The following POGLUT1 variants were observed in gnomAD, a reference collection of about 807,000 sequenced individuals.
POGLUT1 encodes the protein 9630046K23Rik.
Under a neutral mutation model 61.3 loss-of-function variants are expected in POGLUT1, and 32 were observed. That is an observed-to-expected ratio of 0.52 (90% CI 0.39 to 0.70). The LOEUF (loss-of-function observed/expected upper bound fraction) is 0.70. Among genes scored for constraint, POGLUT1 ranks in the 30% least tolerant of loss-of-function variants. The pLI, the probability that POGLUT1 is intolerant of heterozygous loss-of-function variation, is 0.00. For synonymous variants in POGLUT1, 158 were observed against 158.2 expected (o/e 1.00, Z 0.01); for missense variants, 411 against 469.8 (o/e 0.87, Z 1.16).
rs905335304 is a variant in POGLUT1, at chr3:119,492,303, C to T, written c.1044C>T (p.Asn348=). Residue 348 remains asparagine, a synonymous_variant, in exon 11 of 11, where the codon AAC becomes AAT. Coordinates refer to ENST00000295588, the MANE Select transcript of POGLUT1 (RefSeq NM_152305.3). ...CTAGGGGAAGCCAGTTTATTAGGAA[C>T]CATTTGCAGATGGATGACATCACCT... ...IAERGSQFIR[N]HLQMDDITCY... The T allele has an allele frequency of 6.2e-7, 1 of 1,606,026 alleles. No individual in the cohort carries two copies. The highest frequency in any genetic ancestry group is 8.5e-7 in the Non-Finnish European group (1 of 1,176,446).
At chr3:119,477,545 T>A in intron 4 of POGLUT1, 97 bp downstream of exon 4, 1 of 1,205,164 alleles carries the variant, frequency 8.3e-7, no homozygotes, top group Non-Finnish European at 1.2e-6. Flanking sequence ...TGGATAATGG[T>A]AAGGATGAGG....
chr3:119,484,762 G>A (rs1440275217), intron 5 of POGLUT1, among the ~76,000 whole-genome samples: 1 of 152,142 alleles, frequency 6.6e-6, no homozygotes, highest in Non-Finnish European at 1.5e-5. Flanking sequence ...GACCTTCAGG[G>A]TTTGGGGGCT....
intron 4 of POGLUT1, among the ~76,000 whole-genome samples, chr3:119,479,193 G>A (rs1333391389): frequency 6.6e-6 from 1 of 152,058 alleles, no homozygotes; most frequent in Non-Finnish European, 1.5e-5. Flanking sequence ...GCCTCCCAAA[G>A]TGCTGGGATT....
intron 10 of POGLUT1, among the ~76,000 whole-genome samples, chr3:119,492,057 AAAAT>A (rs71156748): frequency 1.2e-4 from 18 of 150,384 alleles, no homozygotes; most frequent in South Asian, 4.3e-4. Flanking sequence ...TCCGTCTCAA[AAAAT>A]AAATAAATAA....
intron 3 of POGLUT1, among the ~76,000 whole-genome samples, chr3:119,474,657 G>A (rs1047363282): frequency 6.6e-6 from 1 of 152,004 alleles, no homozygotes; most frequent in African/African-American, 2.4e-5. Flanking sequence ...CCAATATGGT[G>A]AAACCCCGAC....
At chr3:119,480,741 C>CTTT (rs549105221) in intron 5 of POGLUT1, among the ~76,000 whole-genome samples, 2 of 138,266 alleles carry the variant, frequency 1.4e-5, no homozygotes, top group South Asian at 2.3e-4. Flanking sequence ...ATTTTTCTTT[C>CTTT]TTTTTTTTTT....
Position 119,493,643 on chromosome 3 carries a change from G to A in POGLUT1, c.*1205G>A. On this transcript the variant is annotated 3_prime_UTR_variant, in exon 11 of 11. Transcript: ENST00000295588. ...TTAACTAGTTTCAGAATTAGTAAAT[G>A]TGAGATTCAGTCACATAATTATCAG... 6.6e-6 allele frequency: 1 copy of A among 152,112 alleles called. No homozygotes were observed. The highest frequency in any genetic ancestry group is 1.5e-5 in the Non-Finnish European group (1 of 68,018). The allele number at this position is 152,112 out of a possible 1,614,324, so 9.4% of individuals were successfully genotyped here. A position where few individuals can be genotyped will look rare whatever the true frequency, so the allele number is the denominator to read the frequency against.
intron 5 of POGLUT1, among the ~76,000 whole-genome samples, chr3:119,481,035 C>G (rs1310903147): frequency 6.6e-6 from 1 of 152,068 alleles, no homozygotes; most frequent in Admixed American, 6.5e-5. Context: ...CCCCTGTGCT[C>G]AGTCAGTATT....
intron 5 of POGLUT1, among the ~76,000 whole-genome samples, chr3:119,483,641 G>A (rs2081631689): frequency 6.6e-6 from 1 of 152,186 alleles, no homozygotes; most frequent in Non-Finnish European, 1.5e-5. Context: ...CAGTATGTAT[G>A]GTGTGACCTC....
In POGLUT1 at chr3:119,493,518, C is replaced by T. The variant is rs1011533408; in HGVS notation, c.*1080C>T. The T allele has an allele frequency of 6.6e-6, 1 of 152,130 alleles. No homozygotes were observed. The highest frequency in any genetic ancestry group is 1.5e-5 in the Non-Finnish European group (1 of 68,014). 9.4% of individuals were successfully genotyped at this position (152,130 alleles called of 1,614,324 possible). Reference sequence around the variant, plus strand: ...ATGAAGAAAAATGTTTAGATTAAAACTCTGTAGTCTGATGACTTAGAACCA... The same window carrying T: ...ATGAAGAAAAATGTTTAGATTAAAATTCTGTAGTCTGATGACTTAGAACCA... On this transcript the variant is annotated 3_prime_UTR_variant, in exon 11 of 11. Transcript: ENST00000295588.
intron 5 of POGLUT1, 75 bp downstream of exon 5, chr3:119,480,247 A>C: frequency 8.3e-7 from 1 of 1,207,148 alleles, no homozygotes; most frequent in Non-Finnish European, 1.1e-6. Flanking sequence ...ATAACCAATT[A>C]TTTACTTTTT....
rs202050990 is a variant in POGLUT1 at position 119,469,020 on chromosome 3, C to G, written c.-2C>G. The G allele has an allele frequency of 2.6e-4, 421 of 1,607,100 alleles. 5 individuals are homozygous for G. In the East Asian group the frequency reaches 8.4e-3, roughly 32 times the overall value. ...GGGGAATCTGCAGTAGGTCTGCCGG[C>G]GATGGAGTGGTGGGCTAGCTCGCCG... On this transcript the variant is annotated 5_prime_UTR_variant, in exon 1 of 11. Transcript: ENST00000295588.
chr3:119,469,643 T>C (rs1158642849), intron 1 of POGLUT1, among the ~76,000 whole-genome samples, 177 bp from the exon 2 acceptor site: 1 of 152,198 alleles, frequency 6.6e-6, no homozygotes, highest in East Asian at 1.9e-4. Context: ...AGGAACAGAC[T>C]TGACGTGAGC....
At chr3:119,485,997 T>C (rs958552545) in intron 6 of POGLUT1, among the ~76,000 whole-genome samples, 1 of 152,148 alleles carries the variant, frequency 6.6e-6, no homozygotes, top group African/African-American at 2.4e-5. Context: ...GAAAAGACCA[T>C]GAAGGGAGCA....
At chr3:119,471,548 A>T (rs891576867) in intron 3 of POGLUT1, 96 bp downstream of exon 3, 5 of 1,076,510 alleles carry the variant, frequency 4.6e-6, no homozygotes, top group East Asian at 2.4e-5. Context: ...TAACAAGCAG[A>T]TCCCTCCTCA....
At chr3:119,469,535 T>C (rs560395530) in intron 1 of POGLUT1, among the ~76,000 whole-genome samples, 32 of 152,344 alleles carry the variant, frequency 2.1e-4, no homozygotes, top group African/African-American at 7.5e-4. Context: ...ATTTGATTAG[T>C]AGAAAGTGAG....
At chr3:119,487,572 CA>C (rs2081681812) in intron 7 of POGLUT1, among the ~76,000 whole-genome samples, 1 of 151,968 alleles carries the variant, frequency 6.6e-6, no homozygotes, top group East Asian at 1.9e-4. Flanking sequence ...GGCGACAGAG[CA>C]AGACTCCGTC....
At chr3:119,477,892 G>A (rs914048165) in intron 4 of POGLUT1, among the ~76,000 whole-genome samples, 2 of 152,220 alleles carry the variant, frequency 1.3e-5, no homozygotes, top group Non-Finnish European at 2.9e-5. Context: ...GGGGGCCCAG[G>A]GTGGCTAAAA....
chr3:119,484,517 G>T (rs78965991), intron 5 of POGLUT1, among the ~76,000 whole-genome samples: 2,218 of 152,304 alleles, frequency 0.015, 59 homozygotes, highest in African/African-American at 0.052. Context: ...CATCTTTATA[G>T]AGCACTTAGT....
Sources: gnomAD v4.1 joint callset for allele counts (sites outside exome capture counted in the v4.1 genomes callset) on GRCh38, gnomAD v4.1.1 for gene constraint, MANE v1.5 for transcripts, NCBI Gene and HGNC (gene_info 2026-07-23, HGNC 2026-07-21) for gene names.